Variants in ASIC2 observed in about 807,000 individuals in gnomAD.
ASIC2 encodes acid sensing ion channel subunit 2, also known as acid-sensing ion channel 2.
Under a neutral mutation model 57.3 loss-of-function variants are expected in ASIC2, and 25 were observed. The observed-to-expected ratio is 0.44, with a 90% confidence interval of 0.32 to 0.61. ASIC2 has a LOEUF of 0.61. Among genes scored for constraint, ASIC2 ranks in the 20% least tolerant of loss-of-function variants. The probability of loss-of-function intolerance (pLI) is 0.06; values close to 1 mark genes in which losing one functional copy is unlikely to be tolerated. For missense variants in ASIC2, 641 were observed against 738.1 expected, an observed-to-expected ratio of 0.87 and a Z score of 1.52; for synonymous variants, 319 against 307.5, an observed-to-expected ratio of 1.04 and a Z score of -0.39.
chr17:33,016,287 G>A (rs2091805422), intron 8 of ASIC2, among the ~76,000 whole-genome samples: 1 of 152,204 alleles, frequency 6.6e-6, no homozygotes, highest in Non-Finnish European at 1.5e-5. Flanking sequence ...GCTTCACAGG[G>A]TGAACTGCTG....
intron 1 of ASIC2, among the ~76,000 whole-genome samples, chr17:33,494,072 T>C (rs1410537624): frequency 2.0e-5 from 3 of 152,228 alleles, no homozygotes; most frequent in South Asian, 2.1e-4. Context: ...CCATAGCCTG[T>C]GGCTAGGAAA....
At chr17:33,823,779 G>C (rs1912822128) in intron 1 of ASIC2, among the ~76,000 whole-genome samples, 1 of 152,174 alleles carries the variant, frequency 6.6e-6, no homozygotes, top group African/African-American at 2.4e-5. Context: ...TTCAGCATTG[G>C]AAGTTTTTCC....
chr17:33,383,211 C>T (rs1218548087), intron 1 of ASIC2, among the ~76,000 whole-genome samples: 1 of 152,120 alleles, frequency 6.6e-6, no homozygotes, highest in Non-Finnish European at 1.5e-5. Context: ...TCTTAGAGCA[C>T]TTATTACGTG....
At chr17:33,247,063 T>G (rs1455857403) in intron 1 of ASIC2, among the ~76,000 whole-genome samples, 1 of 152,252 alleles carries the variant, frequency 6.6e-6, no homozygotes, top group African/African-American at 2.4e-5. Flanking sequence ...TTCCACCACA[T>G]GTCAACTTCT....
chr17:33,205,149 G>C (rs952604042), intron 1 of ASIC2, among the ~76,000 whole-genome samples: 5 of 152,188 alleles, frequency 3.3e-5, no homozygotes, highest in Non-Finnish European at 7.3e-5. Flanking sequence ...TCCTCTCTCT[G>C]TTTTCAGTTA....
intron 1 of ASIC2, among the ~76,000 whole-genome samples, chr17:33,455,467 T>G (rs944247182): frequency 6.6e-6 from 1 of 152,218 alleles, no homozygotes; most frequent in East Asian, 1.9e-4. Context: ...CTTTGTTAAT[T>G]TACCTGGGAT....
At chr17:34,064,740 AAAG>A (rs1909103731) in intron 1 of ASIC2, among the ~76,000 whole-genome samples, 1 of 152,262 alleles carries the variant, frequency 6.6e-6, no homozygotes, top group South Asian at 2.1e-4. Flanking sequence ...ACAATTCTCA[AAAG>A]AAGATACACA....
chr17:33,077,301 T>C (rs566409871), intron 3 of ASIC2, among the ~76,000 whole-genome samples: 4 of 152,266 alleles, frequency 2.6e-5, no homozygotes, highest in African/African-American at 9.6e-5. Flanking sequence ...AATGATTTCT[T>C]CTTCCACAAG....
intron 1 of ASIC2, among the ~76,000 whole-genome samples, chr17:34,017,698 C>G (rs530815398): frequency 1.3e-5 from 2 of 152,256 alleles, no homozygotes; most frequent in South Asian, 4.1e-4. Flanking sequence ...TTTTGGTGGT[C>G]TGGATAGAAA....
At chr17:33,850,949 C>T (rs1426988334) in intron 1 of ASIC2, among the ~76,000 whole-genome samples, 1 of 152,144 alleles carries the variant, frequency 6.6e-6, no homozygotes, top group Non-Finnish European at 1.5e-5. Flanking sequence ...CTACACCCAA[C>T]ACCAATCAGA....
chr17:33,711,481 C>T (rs570729855), intron 1 of ASIC2, among the ~76,000 whole-genome samples: 2 of 152,258 alleles, frequency 1.3e-5, no homozygotes, highest in African/African-American at 4.8e-5. Flanking sequence ...TTTTTGTTTT[C>T]CCTGGGTCTG....
chr17:33,182,599 C>A (rs1006610689), intron 1 of ASIC2, among the ~76,000 whole-genome samples: 8 of 152,148 alleles, frequency 5.3e-5, no homozygotes, highest in Non-Finnish European at 1.2e-4. Flanking sequence ...CTCTTCCCTG[C>A]CTGTGTTGAG....
intron 1 of ASIC2, among the ~76,000 whole-genome samples, chr17:33,605,841 C>T (rs889344732): frequency 4.6e-5 from 7 of 152,298 alleles, no homozygotes; most frequent in Admixed American, 3.3e-4. Context: ...CATTCATGCT[C>T]ATCCCCCTGT....
chr17:33,108,260 C>A (rs541605695), intron 2 of ASIC2, among the ~76,000 whole-genome samples: 1 of 152,334 alleles, frequency 6.6e-6, no homozygotes, highest in African/African-American at 2.4e-5. Context: ...CATTAAACTG[C>A]CTGGGCACAC....
chr17:33,685,035 C>G (rs1358239561), intron 1 of ASIC2, among the ~76,000 whole-genome samples: 1 of 152,182 alleles, frequency 6.6e-6, no homozygotes. Context: ...TATCCCAGCA[C>G]CATGGCAAGC....
At chr17:33,685,344 C>G (rs1306255351) in intron 1 of ASIC2, among the ~76,000 whole-genome samples, 2 of 152,198 alleles carry the variant, frequency 1.3e-5, no homozygotes, top group Non-Finnish European at 2.9e-5. Context: ...TCGCGCTCCT[C>G]CATCCATCAC....
intron 1 of ASIC2, among the ~76,000 whole-genome samples, chr17:33,712,309 C>A (rs1314253552): frequency 6.6e-6 from 1 of 152,204 alleles, no homozygotes; most frequent in Non-Finnish European, 1.5e-5. Flanking sequence ...GTTCTGGCCC[C>A]ACAGCACACA....
chr17:33,186,624 C>T (rs975976112), intron 1 of ASIC2, among the ~76,000 whole-genome samples: 3 of 152,130 alleles, frequency 2.0e-5, no homozygotes, highest in Admixed American at 1.3e-4. Context: ...TGCTAATGAG[C>T]GTACAGTGCA....
chr17:34,038,961 C>T (rs1907994541), intron 1 of ASIC2: 6 of 1,613,626 alleles, frequency 3.7e-6, no homozygotes, highest in African/African-American at 1.3e-5. Context: ...AATTTGGCTC[C>T]GTGTCGGACG....
Sources: allele counts gnomAD v4.1 joint callset (sites outside exome capture counted in the v4.1 genomes callset), GRCh38; gene constraint gnomAD v4.1.1; transcripts MANE v1.5; gene names NCBI Gene and HGNC (gene_info 2026-07-23, HGNC 2026-07-21).